Variants in NR5A2 observed in about 807,000 individuals in gnomAD.
NR5A2 encodes CYP7A promoter-binding factor.
A neutral mutation model predicts 62.7 loss-of-function variants in NR5A2; 26 were observed. The ratio of observed to expected loss-of-function variants is 0.41; its 90% CI spans 0.30 to 0.58. The LOEUF (loss-of-function observed/expected upper bound fraction) is 0.58. Among genes scored for constraint, NR5A2 ranks in the 20% least tolerant of loss-of-function variants. NR5A2 has a pLI of 0.22. For missense variants in NR5A2, 541 were observed against 669.1 expected (o/e 0.81, Z 2.11); for synonymous variants, 246 against 241.7 (o/e 1.02, Z -0.16).
chr1:200,133,526 TACACAC>T (rs1215224324), intron 7 of NR5A2, among the ~76,000 whole-genome samples: 1 of 87,402 alleles, frequency 1.1e-5, no homozygotes, highest in South Asian at 3.5e-4. Flanking sequence ...TATATATATA[TACACAC>T]ACATATATAT....
At position 200,048,089 on chromosome 1, in the gene NR5A2, A is replaced by G. The variant is rs970703052; in HGVS notation, c.464-83A>G. The G allele has an allele frequency of 2.1e-5, 28 of 1,314,326 alleles. No individual in the cohort carries two copies. The African/African-American group carries it at 3.7e-4, about 17-fold the overall frequency. 81.4% of individuals were successfully genotyped at this position (1,314,326 alleles called of 1,614,324 possible). A position where few individuals can be genotyped will look rare whatever the true frequency, so the allele number is the denominator to read the frequency against. ...CACACATACCACTTCTTGTCGATTTACATTTCTAAATATCTGAAGAATGCT... is the reference window on the plus strand; with the variant it reads ...CACACATACCACTTCTTGTCGATTTGCATTTCTAAATATCTGAAGAATGCT... On this transcript the variant is annotated intron_variant, in intron 4 of 7. Coordinates refer to ENST00000367362, the MANE Select transcript of NR5A2 (RefSeq NM_205860.3). This position sits in a 1 kb window ranked among gnomAD's most constrained non-coding sequence, Gnocchi z 4.8.
intron 1 of NR5A2, among the ~76,000 whole-genome samples, chr1:200,037,975 C>T (rs1239736568): frequency 1.3e-5 from 2 of 152,298 alleles, no homozygotes; most frequent in East Asian, 1.9e-4. Context: ...ATAGAATAAA[C>T]TTAGATCTTT....
chr1:200,036,111 G>T (rs1005989884), intron 1 of NR5A2, among the ~76,000 whole-genome samples: 2 of 152,114 alleles, frequency 1.3e-5, no homozygotes, highest in Non-Finnish European at 2.9e-5. Context: ...GTATTTATGG[G>T]TCAGTGCAGA....
chr1:200,068,073 C>T (rs762728300), intron 5 of NR5A2, among the ~76,000 whole-genome samples: 4 of 152,108 alleles, frequency 2.6e-5, no homozygotes, highest in Non-Finnish European at 5.9e-5. Flanking sequence ...CTTTGTTGTC[C>T]TTTTTATGAG....
chr1:200,125,944 G>C (rs1018811379), intron 7 of NR5A2, among the ~76,000 whole-genome samples: 16 of 151,948 alleles, frequency 1.1e-4, no homozygotes, highest in African/African-American at 3.9e-4. Flanking sequence ...TAACTCCTAG[G>C]CTCAAATGAT....
At chr1:200,098,042 T>C (rs1227907026) in intron 5 of NR5A2, among the ~76,000 whole-genome samples, 1 of 152,210 alleles carries the variant, frequency 6.6e-6, no homozygotes, top group Non-Finnish European at 1.5e-5. Context: ...TTGTCAAAAC[T>C]TGTGCCTTAC....
chr1:200,079,662 C>T (rs1664200433), intron 5 of NR5A2, among the ~76,000 whole-genome samples: 1 of 152,164 alleles, frequency 6.6e-6, no homozygotes, highest in Non-Finnish European at 1.5e-5. Flanking sequence ...TGTGAGTTTT[C>T]CTTGGGCCTG....
chr1:200,126,275 G>A (rs1157773932), intron 7 of NR5A2, among the ~76,000 whole-genome samples: 1 of 152,096 alleles, frequency 6.6e-6, no homozygotes, highest in African/African-American at 2.4e-5. Flanking sequence ...AACAAAGTTG[G>A]GGGCAGGGCT....
At position 200,048,967 on chromosome 1, in the gene NR5A2, G is replaced by T; in HGVS notation, c.1110+149G>T. ...AGAGTAGACGTAATTTTATTACCTT[G>T]ACTTCAGGACTGTGGCAGCTTAAAT... On this transcript the variant is annotated intron_variant, in intron 5 of 7. Transcript: ENST00000367362. The surrounding 1 kb of genome is among the most constrained non-coding windows in gnomAD (Gnocchi z 4.8). 1.0e-6 allele frequency: 1 copy of T among 1,002,476 alleles called. No individual in the cohort carries two copies. The highest frequency in any genetic ancestry group is 1.4e-6 in the Non-Finnish European group (1 of 694,978). The allele number at this position is 1,002,476 out of a possible 1,614,324, so 62.1% of individuals were successfully genotyped here. A position where few individuals can be genotyped will look rare whatever the true frequency, so the allele number is the denominator to read the frequency against.
chr1:200,070,411 CA>C (rs1263777119), intron 5 of NR5A2, among the ~76,000 whole-genome samples: 1 of 152,008 alleles, frequency 6.6e-6, no homozygotes, highest in Non-Finnish European at 1.5e-5. Context: ...AATGATCAGC[CA>C]GGTGCTGTGG....
chr1:200,106,881 T>A (rs911027417), intron 5 of NR5A2, among the ~76,000 whole-genome samples: 10 of 152,200 alleles, frequency 6.6e-5, no homozygotes, highest in African/African-American at 2.4e-4. Context: ...AAAACTATGT[T>A]ATCCAAAGCA....
intron 4 of NR5A2, among the ~76,000 whole-genome samples, chr1:200,047,567 T>C (rs769476879): frequency 3.7e-4 from 53 of 143,318 alleles, no homozygotes; most frequent in Non-Finnish European, 6.4e-4. Flanking sequence ...TTCTTAGCAA[T>C]GTGAAATATT....
chr1:200,076,939 A>C (rs1664069090), intron 5 of NR5A2, among the ~76,000 whole-genome samples: 1 of 152,218 alleles, frequency 6.6e-6, no homozygotes, highest in South Asian at 2.1e-4. Flanking sequence ...GAAGTTTAAA[A>C]TGTACTTAAA....
chr1:200,108,424 G>C (rs747383979), intron 5 of NR5A2, among the ~76,000 whole-genome samples: 1 of 151,944 alleles, frequency 6.6e-6, no homozygotes, highest in Non-Finnish European at 1.5e-5. Context: ...TTCTGTTCAT[G>C]GCCAGAAGAT....
At chr1:200,094,524 CTTTTTTTTTTTTT>C (rs373809748) in intron 5 of NR5A2, among the ~76,000 whole-genome samples, 3 of 59,802 alleles carry the variant, frequency 5.0e-5, no homozygotes, top group East Asian at 1.1e-3. Flanking sequence ...TTAAATGCCA[CTTTTTTTTTTTTT>C]TTTTTTTTTT....
chr1:200,090,257 G>C (rs1169638207), intron 5 of NR5A2, among the ~76,000 whole-genome samples: 1 of 152,200 alleles, frequency 6.6e-6, no homozygotes, highest in East Asian at 1.9e-4. Context: ...AATGACTTGT[G>C]TTGATTTAAA....
intron 7 of NR5A2, among the ~76,000 whole-genome samples, chr1:200,170,892 G>A (rs547302275): frequency 6.6e-6 from 1 of 152,286 alleles, no homozygotes; most frequent in South Asian, 2.1e-4. Flanking sequence ...GTTAGAAAAA[G>A]GAAGGAAATT....
intron 7 of NR5A2, among the ~76,000 whole-genome samples, chr1:200,152,355 C>T (rs572068045): frequency 6.6e-6 from 1 of 152,246 alleles, no homozygotes; most frequent in African/African-American, 2.4e-5. Flanking sequence ...TTATGATCTA[C>T]ATAAAGGTTT....
At chr1:200,073,806 A>G (rs1271642480) in intron 5 of NR5A2, among the ~76,000 whole-genome samples, 4 of 152,130 alleles carry the variant, frequency 2.6e-5, no homozygotes, top group Non-Finnish European at 4.4e-5. Context: ...GCACATTGCT[A>G]AGCAGCAGGG....
Sources: gnomAD v4.1 joint callset for allele counts (sites outside exome capture counted in the v4.1 genomes callset) on GRCh38, gnomAD v4.1.1 for gene constraint, Gnocchi (gnomAD v3.1) non-coding constraint, MANE v1.5 for transcripts, NCBI Gene and HGNC (gene_info 2026-07-23, HGNC 2026-07-21) for gene names.